COA1: variants seen among roughly 807,000 people sequenced by gnomAD.
COA1 encodes cytochrome c oxidase assembly factor 1, also known as cytochrome c oxidase assembly factor 1 homolog.
A neutral mutation model predicts 16.0 loss-of-function variants in COA1; 13 were observed. The observed-to-expected ratio is 0.81, with a 90% CI of 0.53 to 1.29. The LOEUF is 1.29. COA1 is among the 50% of genes most tolerant of loss of function. The pLI is 0.00. For missense variants in COA1, 179 were observed against 177.0 expected (o/e 1.01, Z -0.06); for synonymous variants, 65 against 65.7 (o/e 0.99, Z 0.05).
intron 1 of COA1, among the ~76,000 whole-genome samples, chr7:43,693,870 G>A (rs1190696633): frequency 1.3e-5 from 2 of 151,954 alleles, no homozygotes; most frequent in African/African-American, 4.8e-5. Flanking sequence ...ATACACTTAT[G>A]ACAGCTGACT....
intron 1 of COA1, among the ~76,000 whole-genome samples, chr7:43,671,344 C>CA (rs2093247981): frequency 6.9e-6 from 1 of 144,758 alleles, no homozygotes. Context: ...CCCACAGAAA[C>CA]GGAAAAAAAA....
chr7:43,616,449 A>G (rs1006772170), intron 6 of COA1, among the ~76,000 whole-genome samples: 21 of 152,204 alleles, frequency 1.4e-4, no homozygotes, highest in African/African-American at 5.1e-4. Context: ...CACTGATCAC[A>G]GTGACAAAAG....
intron 1 of COA1, among the ~76,000 whole-genome samples, chr7:43,715,006 TAAAAAAAAAAA>T (rs755827781): frequency 2.1e-5 from 2 of 95,776 alleles, no homozygotes; most frequent in Non-Finnish European, 4.0e-5. Flanking sequence ...GCCTCTTGTC[TAAAAAAAAAAA>T]AAAAAAAAAA....
intron 2 of COA1, 32 bp downstream of exon 2, chr7:43,648,568 G>C (rs770279726): frequency 6.2e-7 from 1 of 1,612,522 alleles, no homozygotes; most frequent in African/African-American, 1.3e-5. Context: ...GCAGGTTCTA[G>C]TGGGGAACTT....
At chr7:43,640,547 C>G in intron 5 of COA1, 26 bp downstream of exon 5, 1 of 1,549,534 alleles carries the variant, frequency 6.5e-7, no homozygotes, top group South Asian at 1.1e-5. Flanking sequence ...TCCCGCTCCC[C>G]CACTGCCGTC....
At chr7:43,618,467 T>C (rs1436320770) in intron 6 of COA1, among the ~76,000 whole-genome samples, 3 of 152,178 alleles carry the variant, frequency 2.0e-5, no homozygotes, top group South Asian at 4.1e-4. Context: ...CAGATTAATC[T>C]TGAAAAGGAA....
At chr7:43,632,795 C>T (rs1356263710) in intron 6 of COA1, 3 of 152,192 alleles carry the variant, frequency 2.0e-5, no homozygotes, top group Admixed American at 1.3e-4. Flanking sequence ...GCAATCCACC[C>T]GCCCCAGCCT....
intron 1 of COA1, among the ~76,000 whole-genome samples, chr7:43,693,869 T>C (rs540837193): frequency 7.9e-5 from 12 of 152,194 alleles, no homozygotes; most frequent in East Asian, 1.9e-4. Context: ...TATACACTTA[T>C]GACAGCTGAC....
chr7:43,666,508 T>C (rs1225415386), intron 1 of COA1, among the ~76,000 whole-genome samples: 3 of 152,214 alleles, frequency 2.0e-5, no homozygotes, highest in Admixed American at 2.0e-4. Flanking sequence ...GTGTGTAATG[T>C]CTATAAAAAG....
In COA1 at chr7:43,648,863, C is replaced by T. The variant is rs187573427; in HGVS notation, c.-38-211G>A. ...AAGAAAAAACAAAGCCTGCGGGTTTCCTGTCTGTGTCCTATGTAGTTTTTG... is the reference window on the plus strand; with the variant it reads ...AAGAAAAAACAAAGCCTGCGGGTTTTCTGTCTGTGTCCTATGTAGTTTTTG... On this transcript the variant is annotated intron_variant, in intron 1 of 5. Coordinates refer to ENST00000223336, the MANE Select transcript of COA1 (RefSeq NM_018224.4). 1,174 of 510,810 alleles carry T rather than the reference C, an allele frequency of 2.3e-3. 2 individuals are homozygous for T. Among genetic ancestry groups the T allele is most frequent in the Non-Finnish European group, 3.6e-3 (1,020 of 286,534 alleles). The allele number at this position is 510,810 out of a possible 1,614,324, so 31.6% of individuals were successfully genotyped here.
intron 1 of COA1, among the ~76,000 whole-genome samples, chr7:43,727,105 C>T (rs879339187): frequency 1.3e-5 from 2 of 152,178 alleles, no homozygotes; most frequent in Non-Finnish European, 2.9e-5. Flanking sequence ...AAATATCACT[C>T]TGTAGTCCCT....
chr7:43,644,789 G>GAGAGACAGAGAGAGAGAGAGAGA, intron 4 of COA1, among the ~76,000 whole-genome samples: 1 of 104,482 alleles, frequency 9.6e-6, no homozygotes, highest in African/African-American at 4.4e-5. Context: ...CAGGCAGGCA[G>GAGAGACAGAGAGAGAGAGAGAGA]GCAGAGAGAC....
chr7:43,688,789 G>A (rs533619548), intron 1 of COA1, among the ~76,000 whole-genome samples: 28 of 152,252 alleles, frequency 1.8e-4, no homozygotes, highest in African/African-American at 6.7e-4. Flanking sequence ...GTACATAATA[G>A]CCAGTAGGAA....
At chr7:43,609,450 G>A (rs1012563835) in exon 7 of COA1, 2 of 152,244 alleles carry the variant, frequency 1.3e-5, no homozygotes, top group South Asian at 2.1e-4. Context: ...TAACCTTTAC[G>A]TGGACTGAGT....
intron 1 of COA1, among the ~76,000 whole-genome samples, chr7:43,674,573 T>C (rs1446002321): frequency 6.6e-6 from 1 of 152,218 alleles, no homozygotes; most frequent in Admixed American, 6.5e-5. Flanking sequence ...CTGTGGGCAA[T>C]GTGATGATAA....
At chr7:43,727,499 G>A (rs2158951) in intron 1 of COA1, among the ~76,000 whole-genome samples, 22,207 of 152,122 alleles carry the variant, frequency 0.15, 2,192 homozygotes, top group Non-Finnish European at 0.22. Context: ...AAAATAAATC[G>A]TGGTAATACC....
intron 3 of COA1, 112 bp downstream of exon 3, chr7:43,647,423 C>T: frequency 5.0e-6 from 4 of 798,132 alleles, no homozygotes; most frequent in African/African-American, 1.7e-5. Flanking sequence ...TTTAAAATCA[C>T]CCTCTCCTCC....
chr7:43,657,247 C>T (rs560099822), intron 1 of COA1: 3 of 152,180 alleles, frequency 2.0e-5, no homozygotes, highest in East Asian at 1.9e-4. Context: ...GTGACTACTC[C>T]GGGAAAGTAA....
intron 1 of COA1, among the ~76,000 whole-genome samples, chr7:43,674,729 T>G (rs888546140): frequency 1.3e-5 from 2 of 152,226 alleles, no homozygotes; most frequent in African/African-American, 4.8e-5. Flanking sequence ...TTGAGTTTAT[T>G]CAGTTAGTCA....
Sources: gnomAD v4.1 joint callset for allele counts (sites outside exome capture counted in the v4.1 genomes callset) on GRCh38, gnomAD v4.1.1 for gene constraint, MANE v1.5 for transcripts, NCBI Gene and HGNC (gene_info 2026-07-23, HGNC 2026-07-21) for gene names.